Variants in RUFY3 observed in about 807,000 individuals in gnomAD.
The protein encoded by RUFY3 is RUN and FYVE domain containing 3.
Under a neutral mutation model 84.0 loss-of-function variants are expected in RUFY3, and 34 were observed. The observed-to-expected ratio is 0.40, with a 90% CI of 0.31 to 0.54. RUFY3 has a LOEUF of 0.54. Ranked by LOEUF, RUFY3 falls within the 20% of genes least tolerant of loss-of-function variation. The probability of loss-of-function intolerance (pLI) is 0.39; values close to 1 mark genes in which losing one functional copy is unlikely to be tolerated. For missense variants in RUFY3, 507 were observed against 736.8 expected (o/e 0.69, Z 3.61); for synonymous variants, 242 against 252.9 (o/e 0.96, Z 0.41).
In RUFY3 at chr4:70,793,305, G is replaced by C. The variant is rs568752465; in HGVS notation, c.1338-480G>C. On this transcript the variant is annotated intron_variant, in intron 12 of 17. Coordinates refer to ENST00000381006, the MANE Select transcript of RUFY3 (RefSeq NM_001037442.4). ...CATGATTTAATATATGTGGTTTGGG[G>C]GAAAGGACAAGAAAAAACTATAATT... 5.1e-5 allele frequency: 51 copies of C among 999,228 alleles called. No homozygotes were observed. The East Asian group carries it at 4.0e-3, about 78-fold the overall frequency. 61.9% of individuals were successfully genotyped at this position (999,228 alleles called of 1,614,324 possible).
intron 6 of RUFY3, among the ~76,000 whole-genome samples, chr4:70,774,614 C>CAAAAAA (rs1172638290): frequency 1.8e-4 from 4 of 22,092 alleles, no homozygotes; most frequent in Non-Finnish European, 2.1e-4. Flanking sequence ...GACTCTGCCT[C>CAAAAAA]AAAAAAAAAA....
At chr4:70,775,272 G>A (rs978216129) in intron 7 of RUFY3, 39 bp downstream of exon 7, 1 of 1,340,526 alleles carries the variant, frequency 7.5e-7, no homozygotes, top group African/African-American at 1.5e-5. Flanking sequence ...CTGGGGAATT[G>A]TTGAAGGAGA....
chr4:70,803,215 C>T (rs182178304), intron 16 of RUFY3: 1 of 411,608 alleles, frequency 2.4e-6, no homozygotes, highest in East Asian at 3.6e-5. Context: ...TTATCCCTGA[C>T]ATAAGATCTA....
intron 5 of RUFY3, 106 bp downstream of exon 5, chr4:70,768,767 C>A: frequency 9.8e-7 from 1 of 1,016,458 alleles, no homozygotes; most frequent in Non-Finnish European, 1.4e-6. Flanking sequence ...TTCTATGAGT[C>A]ATAAACAGGA....
Position 70,749,963 on chromosome 4 carries a change from T to A in RUFY3, c.179-12556T>A, listed in dbSNP as rs1722870884. ...GAGCCACTGTGCCCAGCCAGAATTTTACTTTTACTTTAAATTTTTTACTTT... is the reference window on the plus strand; with the variant it reads ...GAGCCACTGTGCCCAGCCAGAATTTAACTTTTACTTTAAATTTTTTACTTT... On this transcript the variant is annotated intron_variant, in intron 1 of 17. Coordinates refer to ENST00000381006, the MANE Select transcript of RUFY3 (RefSeq NM_001037442.4). Among the ~76,000 whole-genome samples the A allele has an allele frequency of 3.3e-5, 5 of 152,090 alleles. No homozygotes were observed. In the South Asian group the frequency reaches 1.0e-3, roughly 32 times the overall value.
chr4:70,778,525 G>C, intron 8 of RUFY3, 87 bp downstream of exon 8: 1 of 566,326 alleles, frequency 1.8e-6, no homozygotes, highest in Non-Finnish European at 3.2e-6. Flanking sequence ...TGGAAAGAAA[G>C]AACTTGACTT....
At chr4:70,705,121 C>A in exon 1 of RUFY3, 1 of 1,433,486 alleles carries the variant, frequency 7.0e-7, no homozygotes, top group South Asian at 1.4e-5. Context: ...TCGCCGGTGG[C>A]CGCCCCCTTC....
chr4:70,738,554 G>A (rs1321291957), intron 1 of RUFY3, among the ~76,000 whole-genome samples: 1 of 150,498 alleles, frequency 6.6e-6, no homozygotes, highest in Non-Finnish European at 1.5e-5. Flanking sequence ...GGTAGAGACA[G>A]GGTTTCACTG....
chr4:70,746,400 A>C (rs1351947308), intron 1 of RUFY3, among the ~76,000 whole-genome samples: 1 of 151,568 alleles, frequency 6.6e-6, no homozygotes, highest in Non-Finnish European at 1.5e-5. Context: ...CCAGCTACTC[A>C]GAAGGCTGAG....
chr4:70,739,782 G>T (rs1721001839), intron 1 of RUFY3, among the ~76,000 whole-genome samples: 1 of 149,678 alleles, frequency 6.7e-6, no homozygotes, highest in Admixed American at 6.7e-5. Flanking sequence ...TACAAGAGGG[G>T]CCAGGCTCAC....
intron 1 of RUFY3, among the ~76,000 whole-genome samples, chr4:70,716,366 G>C (rs553450593): frequency 6.6e-6 from 1 of 151,966 alleles, no homozygotes; most frequent in Non-Finnish European, 1.5e-5. Flanking sequence ...GGCAGGACTT[G>C]ATCTCCTGAC....
chr4:70,733,073 AAG>A (rs1223448881), intron 1 of RUFY3, among the ~76,000 whole-genome samples: 72 of 112,396 alleles, frequency 6.4e-4, no homozygotes, highest in Non-Finnish European at 7.0e-4. Context: ...TTTCAAAAGA[AAG>A]AGAGAGAGAG....
intron 17 of RUFY3, among the ~76,000 whole-genome samples, chr4:70,805,634 G>C (rs1732757688): frequency 6.6e-6 from 1 of 152,172 alleles, no homozygotes; most frequent in Non-Finnish European, 1.5e-5. Context: ...AGAACTGGAA[G>C]TTACAATTAT....
At position 70,722,182 on chromosome 4, in the gene RUFY3, C is replaced by T; in HGVS notation, c.-392C>T. ...AAAGGAGGAGGATTTTTCACTTACT[C>T]ATATCGAGGCCAGATTTTTAAAGCC... On this transcript the variant is annotated 5_prime_UTR_variant, in exon 1 of 18. Transcript: ENST00000381006. 1.6e-6 allele frequency: 2 copies of T among 1,229,674 alleles called. No individual in the cohort carries two copies. Among genetic ancestry groups the T allele is most frequent in the South Asian group, 4.2e-5 (1 of 23,782 alleles). The allele number at this position is 1,229,674 out of a possible 1,614,324, so 76.2% of individuals were successfully genotyped here. A position where few individuals can be genotyped will look rare whatever the true frequency, so the allele number is the denominator to read the frequency against.
At chr4:70,716,252 T>C (rs1006253517) in intron 1 of RUFY3, among the ~76,000 whole-genome samples, 1 of 152,054 alleles carries the variant, frequency 6.6e-6, no homozygotes, top group African/African-American at 2.4e-5. Context: ...TTCAAGCAAT[T>C]CTCCTGCTTC....
chr4:70,768,758 T>C, intron 5 of RUFY3, 97 bp downstream of exon 5: 1 of 1,114,274 alleles, frequency 9.0e-7, no homozygotes. Context: ...TAGGCCATAT[T>C]CTATGAGTCA....
intron 10 of RUFY3, among the ~76,000 whole-genome samples, chr4:70,785,598 G>A (rs1729655356): frequency 6.6e-6 from 1 of 151,888 alleles, no homozygotes; most frequent in Non-Finnish European, 1.5e-5. Context: ...GGAGGCTGAG[G>A]CGGATGGATC....
At chr4:70,723,162 A>C (rs1032364733) in intron 1 of RUFY3, among the ~76,000 whole-genome samples, 1 of 152,232 alleles carries the variant, frequency 6.6e-6, no homozygotes, top group Non-Finnish European at 1.5e-5. Flanking sequence ...TACATGATGA[A>C]TACAGTAGAA....
chr4:70,716,119 A>G (rs571700617), intron 1 of RUFY3, among the ~76,000 whole-genome samples: 5 of 152,102 alleles, frequency 3.3e-5, no homozygotes, highest in Non-Finnish European at 5.9e-5. Context: ...ATCTCAAAAA[A>G]AAAAAAGAAA....
Sources: allele counts gnomAD v4.1 joint callset (sites outside exome capture counted in the v4.1 genomes callset), GRCh38; gene constraint gnomAD v4.1.1; transcripts MANE v1.5; gene names NCBI Gene and HGNC (gene_info 2026-07-23, HGNC 2026-07-21).